The following SLC8A1 variants were observed in gnomAD, a reference collection of about 807,000 sequenced individuals.
SLC8A1 encodes the protein solute carrier family 8 member A1.
SLC8A1 carries 18 observed loss-of-function variants against 68.3 expected under a neutral mutation model. That is an observed-to-expected ratio of 0.26 (90% CI 0.18 to 0.39). SLC8A1 has a LOEUF of 0.39. SLC8A1 is among the 10% of genes least tolerant of loss of function. The probability of loss-of-function intolerance (pLI) is 1.00; values close to 1 mark genes in which losing one functional copy is unlikely to be tolerated. For synonymous variants in SLC8A1, 475 were observed against 415.5 expected (o/e 1.14, Z -1.74); for missense variants, 985 against 1,156.7 (o/e 0.85, Z 2.15).
intron 2 of SLC8A1, among the ~76,000 whole-genome samples, chr2:40,381,991 CG>C (rs1681975613): frequency 1.3e-5 from 2 of 152,004 alleles, no homozygotes; most frequent in Admixed American, 1.3e-4. Context: ...CCTATCTCCT[CG>C]GCTGCAGCAC....
At chr2:40,402,848 T>A (rs1333780821) in intron 2 of SLC8A1, among the ~76,000 whole-genome samples, 1 of 152,226 alleles carries the variant, frequency 6.6e-6, no homozygotes, top group Non-Finnish European at 1.5e-5. Context: ...CTCCTTTAAC[T>A]TTGTGCTCAG....
At chr2:40,306,022 C>T (rs2149285143) in intron 2 of SLC8A1, among the ~76,000 whole-genome samples, 1 of 152,276 alleles carries the variant, frequency 6.6e-6, no homozygotes, top group South Asian at 2.1e-4. Flanking sequence ...TTTCTTTTCC[C>T]TTACAGGTTT....
chr2:40,111,542 ATTC>A (rs1282388312), exon 8 of SLC8A1: 4 of 152,182 alleles, frequency 2.6e-5, no homozygotes, highest in African/African-American at 4.8e-5. Context: ...ATGTGGACAG[ATTC>A]TATTATAGTA....
chr2:40,500,003 C>T (rs1307265535), intron 1 of SLC8A1, among the ~76,000 whole-genome samples: 1 of 152,022 alleles, frequency 6.6e-6, no homozygotes, highest in African/African-American at 2.4e-5. Context: ...TCAGAACAAC[C>T]TTGAGATTTT....
At chr2:40,396,748 TAAAA>T (rs368483768) in intron 2 of SLC8A1, among the ~76,000 whole-genome samples, 32 of 87,084 alleles carry the variant, frequency 3.7e-4, no homozygotes, top group Admixed American at 5.5e-4. Flanking sequence ...CTCTAATAAC[TAAAA>T]AAAAAAAAAA....
chr2:40,493,923 C>CCTTT (rs1705507595), intron 1 of SLC8A1, among the ~76,000 whole-genome samples: 1 of 151,098 alleles, frequency 6.6e-6, no homozygotes, highest in African/African-American at 2.4e-5. Context: ...CCTCTTTTTT[C>CCTTT]CTTTCCTTCC....
intron 2 of SLC8A1, among the ~76,000 whole-genome samples, chr2:40,339,992 G>T (rs374654425): frequency 1.3e-5 from 2 of 152,156 alleles, no homozygotes; most frequent in Admixed American, 6.5e-5. Flanking sequence ...CTTTTAATGT[G>T]TACTGTGGAT....
intron 2 of SLC8A1, among the ~76,000 whole-genome samples, chr2:40,350,315 C>T (rs192787803): frequency 6.6e-6 from 1 of 151,982 alleles, no homozygotes; most frequent in East Asian, 1.9e-4. Context: ...GACTCTGTCT[C>T]TACAAAAATT....
chr2:40,281,053 A>G (rs1217004732), intron 2 of SLC8A1, among the ~76,000 whole-genome samples: 1 of 152,200 alleles, frequency 6.6e-6, no homozygotes, highest in Non-Finnish European at 1.5e-5. Context: ...TTGCACTTAT[A>G]ACTTGCCTGC....
At chr2:40,200,204 AT>A (rs1558721441) in intron 2 of SLC8A1, among the ~76,000 whole-genome samples, 2 of 12,272 alleles carry the variant, frequency 1.6e-4, no homozygotes, top group South Asian at 2.0e-3. Flanking sequence ...ATATATATAT[AT>A]AAATATATAT....
chr2:40,293,861 G>GTAACATTAC (rs1485923518), intron 2 of SLC8A1, among the ~76,000 whole-genome samples: 1 of 152,118 alleles, frequency 6.6e-6, no homozygotes, highest in Non-Finnish European at 1.5e-5. Flanking sequence ...AATCAAACTT[G>GTAACATTAC]TAACATTACT....
chr2:40,400,564 T>C (rs549107740), intron 2 of SLC8A1, among the ~76,000 whole-genome samples: 1 of 152,100 alleles, frequency 6.6e-6, no homozygotes, highest in Non-Finnish European at 1.5e-5. Context: ...AAAACTTTCA[T>C]GGATCACATG....
rs191208976 is a variant in SLC8A1 at position 40,305,423 on chromosome 2, G to T, written c.1808+123050C>A. ...ATCTTCCCAGTTTTGACAATCAAAA[G>T]TGTCTCTAGACATTGCCAGATAGTT... On this transcript the variant is annotated intron_variant, in intron 2 of 7. Transcript: ENST00000406785. Among the ~76,000 whole-genome samples, 53 of 152,310 alleles carry T rather than the reference G, an allele frequency of 3.5e-4. No individual in the cohort carries two copies. The East Asian group carries it at 0.01, about 29-fold the overall frequency.
chr2:40,375,564 G>A (rs1051719755), intron 2 of SLC8A1, among the ~76,000 whole-genome samples: 1 of 152,010 alleles, frequency 6.6e-6, no homozygotes, highest in South Asian at 2.1e-4. Flanking sequence ...ATGACTCCAG[G>A]ATCATTACCA....
chr2:40,375,805 C>A (rs566030161), intron 2 of SLC8A1, among the ~76,000 whole-genome samples: 2 of 152,144 alleles, frequency 1.3e-5, no homozygotes, highest in African/African-American at 4.8e-5. Flanking sequence ...AAGTTGAAGA[C>A]CAGCCCAGGC....
At chr2:40,179,848 C>T (rs1440288005) in intron 2 of SLC8A1, among the ~76,000 whole-genome samples, 1 of 152,080 alleles carries the variant, frequency 6.6e-6, no homozygotes, top group Non-Finnish European at 1.5e-5. Context: ...TCTGAATTTC[C>T]CAGCGCCTAA....
chr2:40,115,200 A>T, exon 8 of SLC8A1: 2 of 1,216,526 alleles, frequency 1.6e-6, no homozygotes, highest in Admixed American at 6.6e-5. Context: ...ATTATACATA[A>T]TTTTTATGTA....
chr2:40,175,990 G>A, intron 3 of SLC8A1: 1 of 449,024 alleles, frequency 2.2e-6, no homozygotes, highest in Non-Finnish European at 4.5e-6. Context: ...AATCCTTCTA[G>A]TGGACATATC....
At chr2:40,114,503 A>G (rs973105099) in exon 8 of SLC8A1, 2 of 152,786 alleles carry the variant, frequency 1.3e-5, no homozygotes, top group African/African-American at 4.8e-5. Context: ...AAGAGATAAG[A>G]AAGAAAGGAT....
Sources: allele counts gnomAD v4.1 joint callset (sites outside exome capture counted in the v4.1 genomes callset), GRCh38; gene constraint gnomAD v4.1.1; transcripts MANE v1.5; gene names NCBI Gene and HGNC (gene_info 2026-07-23, HGNC 2026-07-21).